Variants in PTPRM observed in about 807,000 individuals in gnomAD.
PTPRM encodes protein tyrosine phosphatase receptor type M, also known as receptor-type tyrosine-protein phosphatase mu.
Under a neutral mutation model 186.7 loss-of-function variants are expected in PTPRM, and 47 were observed. The ratio of observed to expected loss-of-function variants is 0.25; its 90% CI spans 0.20 to 0.32. The LOEUF is 0.32. Ranked by LOEUF, PTPRM falls within the 10% of genes least tolerant of loss-of-function variation. The pLI, the probability that PTPRM is intolerant of heterozygous loss-of-function variation, is 1.00. For missense variants in PTPRM, 1,494 were observed against 1,865.0 expected (o/e 0.80, Z 3.66); for synonymous variants, 668 against 674.9 (o/e 0.99, Z 0.16).
intron 14 of PTPRM, among the ~76,000 whole-genome samples, chr18:8,176,155 CA>C (rs2093477761): frequency 6.6e-6 from 1 of 152,080 alleles, no homozygotes; most frequent in Admixed American, 6.6e-5. Context: ...AGGGAAAATT[CA>C]TCCAGTATTT....
intron 19 of PTPRM, among the ~76,000 whole-genome samples, chr18:8,279,754 A>G (rs1392226759): frequency 6.6e-6 from 1 of 152,204 alleles, no homozygotes; most frequent in African/African-American, 2.4e-5. Flanking sequence ...TGTATCCAGC[A>G]CTGACTCTCA....
chr18:8,317,590 C>A (rs1405490495), intron 21 of PTPRM, among the ~76,000 whole-genome samples: 1 of 152,082 alleles, frequency 6.6e-6, no homozygotes, highest in Non-Finnish European at 1.5e-5. Flanking sequence ...AACAACCAGG[C>A]CTTCCACATC....
intron 11 of PTPRM, among the ~76,000 whole-genome samples, chr18:8,097,425 T>C (rs1475128989): frequency 6.6e-6 from 1 of 152,200 alleles, no homozygotes; most frequent in Non-Finnish European, 1.5e-5. Flanking sequence ...CAATGAGAAG[T>C]AGTAAGAGCT....
intron 24 of PTPRM, among the ~76,000 whole-genome samples, chr18:8,372,947 T>C (rs1227009877): frequency 1.3e-5 from 2 of 150,814 alleles, no homozygotes; most frequent in East Asian, 1.9e-4. Flanking sequence ...TCTTTCCTCT[T>C]TTTTTTTAAC....
chr18:7,685,771 C>T (rs2039587457), intron 1 of PTPRM, among the ~76,000 whole-genome samples: 1 of 152,034 alleles, frequency 6.6e-6, no homozygotes, highest in Non-Finnish European at 1.5e-5. Context: ...TCCTCAGAGC[C>T]ACTAGGCAAG....
At chr18:8,180,006 C>T (rs568083614) in intron 14 of PTPRM, among the ~76,000 whole-genome samples, 22 of 148,578 alleles carry the variant, frequency 1.5e-4, no homozygotes, top group Non-Finnish European at 2.7e-4. Context: ...AGGTTATCTA[C>T]GTACTGTGAC....
chr18:7,852,209 T>TA (rs1238160589), intron 2 of PTPRM, among the ~76,000 whole-genome samples: 5 of 152,080 alleles, frequency 3.3e-5, no homozygotes, highest in Non-Finnish European at 5.9e-5. Flanking sequence ...TTAGATCAGA[T>TA]AAAAAAGGAT....
chr18:7,777,820 A>G (rs191473634), intron 2 of PTPRM, among the ~76,000 whole-genome samples: 53 of 152,268 alleles, frequency 3.5e-4, no homozygotes, highest in Admixed American at 2.4e-3. Context: ...TAGTACCTAA[A>G]TCTTTGTCAC....
intron 5 of PTPRM, among the ~76,000 whole-genome samples, chr18:7,947,236 C>T (rs1255488592): frequency 6.6e-6 from 1 of 152,182 alleles, no homozygotes; most frequent in Admixed American, 6.5e-5. Flanking sequence ...ATTGTTATGG[C>T]TGTGTCCTTG....
chr18:8,039,334 A>G (rs531438212), intron 7 of PTPRM, among the ~76,000 whole-genome samples: 8 of 152,242 alleles, frequency 5.3e-5, no homozygotes, highest in African/African-American at 1.9e-4. Context: ...AAGGAGATCC[A>G]TCTTAATCTT....
chr18:8,003,780 T>C (rs1024356977), intron 7 of PTPRM, among the ~76,000 whole-genome samples: 2 of 152,244 alleles, frequency 1.3e-5, no homozygotes, highest in African/African-American at 4.8e-5. Flanking sequence ...AATGCACATT[T>C]GAGGGCCTAT....
intron 24 of PTPRM, among the ~76,000 whole-genome samples, chr18:8,374,353 G>A (rs1280505688): frequency 3.9e-5 from 6 of 152,100 alleles, no homozygotes; most frequent in Non-Finnish European, 1.5e-5. Context: ...CCAGGACATG[G>A]AGAAAGATAT....
chr18:7,933,603 T>C (rs999571299), intron 5 of PTPRM, among the ~76,000 whole-genome samples: 12 of 152,300 alleles, frequency 7.9e-5, no homozygotes, highest in African/African-American at 2.9e-4. Context: ...CCTAGACTAG[T>C]GCTTGTCACA....
At chr18:7,795,541 T>C (rs1221276633) in intron 2 of PTPRM, among the ~76,000 whole-genome samples, 3 of 152,010 alleles carry the variant, frequency 2.0e-5, no homozygotes, top group Non-Finnish European at 2.9e-5. Context: ...CTCTTTGTTA[T>C]GTCTTTGTTT....
intron 19 of PTPRM, among the ~76,000 whole-genome samples, chr18:8,263,351 C>T (rs9304009): frequency 0.29 from 44,525 of 151,996 alleles, 6,814 homozygotes; most frequent in Admixed American, 0.38. Context: ...TCAAGTGATC[C>T]ACCTGCCTAG....
chr18:7,788,160 G>T (rs1275437421), intron 2 of PTPRM, among the ~76,000 whole-genome samples: 1 of 152,174 alleles, frequency 6.6e-6, no homozygotes, highest in Non-Finnish European at 1.5e-5. Context: ...GATTTTGGAA[G>T]CATTGCAAAA....
intron 20 of PTPRM, among the ~76,000 whole-genome samples, chr18:8,313,567 CCTTT>C (rs541139648): frequency 1.3e-5 from 2 of 151,344 alleles, no homozygotes; most frequent in African/African-American, 4.9e-5. Flanking sequence ...ATTAGCACAT[CCTTT>C]CTTTTTTTTT....
intron 2 of PTPRM, among the ~76,000 whole-genome samples, chr18:7,811,964 T>G (rs2044543035): frequency 6.6e-6 from 1 of 152,196 alleles, no homozygotes; most frequent in Non-Finnish European, 1.5e-5. Context: ...TTTTCCAGGA[T>G]ATGTTATTGG....
At chr18:7,593,808 G>A (rs1030850026) in intron 1 of PTPRM, among the ~76,000 whole-genome samples, 1 of 152,122 alleles carries the variant, frequency 6.6e-6, no homozygotes, top group Admixed American at 6.5e-5. Flanking sequence ...ATTTCAGCTT[G>A]CCTTTGCCTA....
Sources: gnomAD v4.1 joint callset for allele counts (sites outside exome capture counted in the v4.1 genomes callset) on GRCh38, gnomAD v4.1.1 for gene constraint, MANE v1.5 for transcripts, NCBI Gene and HGNC (gene_info 2026-07-23, HGNC 2026-07-21) for gene names.